The following UNC13B variants were observed in gnomAD, a reference collection of about 807,000 sequenced individuals.
UNC13B encodes the protein protein unc-13 homolog B.
In UNC13B, 144 loss-of-function variants were observed where a neutral mutation model predicts 211.0. The observed-to-expected ratio is 0.68, with a 90% CI of 0.60 to 0.78. The LOEUF is 0.78. Among genes scored for constraint, UNC13B ranks in the 30% least tolerant of loss-of-function variants. The pLI is 0.00. For synonymous variants in UNC13B, 709 were observed against 725.8 expected, an observed-to-expected ratio of 0.98 and a Z score of 0.37; for missense variants, 1,777 against 2,002.0, an observed-to-expected ratio of 0.89 and a Z score of 2.14.
chr9:35,239,102 G>A lies in UNC13B; in HGVS notation c.394+1276G>A, dbSNP rs75744691. Among the ~76,000 whole-genome samples, 4 of 152,044 alleles carry A rather than the reference G, an allele frequency of 2.6e-5. No homozygotes were observed. In the East Asian group the frequency reaches 7.7e-4, roughly 29 times the overall value. ...ATTTATACTCTTATAAATTATATCT[G>A]GGGAGTGCCTGTTTCTGCACATCCT... is the stretch of plus-strand genomic sequence containing the variant. On this transcript the variant is annotated intron_variant, in intron 5 of 39. Coordinates refer to ENST00000635942, the MANE Select transcript of UNC13B (RefSeq NM_001371189.2).
chr9:35,178,666 G>A (rs550547773), intron 1 of UNC13B, among the ~76,000 whole-genome samples: 2 of 151,788 alleles, frequency 1.3e-5, no homozygotes, highest in African/African-American at 4.8e-5. Flanking sequence ...CGAGGCGGGT[G>A]GATCACTTGA....
intron 30 of UNC13B, 148 bp from the exon 31 acceptor site, chr9:35,398,063 C>A: frequency 1.6e-6 from 1 of 628,730 alleles, no homozygotes. Flanking sequence ...GGAGAATTAT[C>A]TGAACTGGCC....
chr9:35,312,053 A>G (rs1336211980), intron 10 of UNC13B, among the ~76,000 whole-genome samples: 1 of 152,192 alleles, frequency 6.6e-6, no homozygotes, highest in Non-Finnish European at 1.5e-5. Flanking sequence ...ACTAGATGCC[A>G]GTAGCAATCC....
intron 26 of UNC13B, among the ~76,000 whole-genome samples, chr9:35,394,568 C>A (rs1304904842): frequency 6.6e-6 from 1 of 152,160 alleles, no homozygotes; most frequent in Non-Finnish European, 1.5e-5. Flanking sequence ...TGCACTCCAC[C>A]CTGGGTGACA....
intron 11 of UNC13B, chr9:35,352,432 A>C: frequency 8.1e-7 from 1 of 1,232,152 alleles, no homozygotes; most frequent in Non-Finnish European, 1.0e-6. Context: ...TTGCCACCAG[A>C]GAAGAACCAA....
In UNC13B at chr9:35,382,493, G is replaced by A; in HGVS notation, c.10792G>A (p.Ala3598Thr). Residue 3598 changes from alanine to threonine, a missense_variant, in exon 21 of 40, where the codon GCC becomes ACC. By Grantham distance (58) the Ala-to-Thr change is moderately conservative. Transcript: ENST00000635942. ...TGTCTCTGCATCTGATCGCTTTGCA[G>A]CCTCCAACTTTGGGGTAAGTATCAT... ...TNVSASDRFA[A>T]SNFGKERFVK... The A allele has an allele frequency of 4.3e-6, 7 of 1,613,060 alleles. No homozygotes were observed. The highest frequency in any genetic ancestry group is 5.9e-6 in the Non-Finnish European group (7 of 1,179,814).
At chr9:35,262,956 A>T (rs969176999) in intron 7 of UNC13B, among the ~76,000 whole-genome samples, 3 of 152,208 alleles carry the variant, frequency 2.0e-5, no homozygotes, top group Non-Finnish European at 4.4e-5. Flanking sequence ...CCAAACCAAT[A>T]CAAAAACAAA....
chr9:35,266,516 C>T (rs1827586034), intron 7 of UNC13B, among the ~76,000 whole-genome samples: 1 of 152,158 alleles, frequency 6.6e-6, no homozygotes, highest in South Asian at 2.1e-4. Flanking sequence ...GCCTGGGCAA[C>T]ATAGCGAGAC....
intron 7 of UNC13B, among the ~76,000 whole-genome samples, chr9:35,284,431 C>G (rs1828678178): frequency 6.6e-6 from 1 of 152,114 alleles, no homozygotes; most frequent in African/African-American, 2.4e-5. Context: ...TTTTCTTTGA[C>G]TTATTAATAT....
chr9:35,378,472 T>G (rs769983454), intron 17 of UNC13B, 36 bp downstream of exon 17: 2 of 1,613,482 alleles, frequency 1.2e-6, no homozygotes, highest in Non-Finnish European at 1.7e-6. Flanking sequence ...CCTGGGACTG[T>G]GTGTATTGGG....
chr9:35,288,627 C>T (rs1444473892), intron 7 of UNC13B, among the ~76,000 whole-genome samples: 2 of 152,148 alleles, frequency 1.3e-5, no homozygotes, highest in African/African-American at 2.4e-5. Flanking sequence ...TATCTTATGA[C>T]GGTTCTGAGC....
intron 7 of UNC13B, among the ~76,000 whole-genome samples, chr9:35,266,725 AT>A (rs1827599259): frequency 6.6e-6 from 1 of 152,178 alleles, no homozygotes; most frequent in Non-Finnish European, 1.5e-5. Flanking sequence ...ATTCACTTTT[AT>A]CCTGTGAAGT....
In UNC13B at chr9:35,398,635, G is replaced by A; in HGVS notation, c.11914G>A (p.Gly3972Arg). ...TVLDELSMVF[G>R]NSFQVRIDEC... ...TCTGGATGAGCTCAGCATGGTGTTT[G>A]GAAACAGGTCAGTGACCCCACAATA... Residue 3972 changes from glycine (G) to arginine (R), a missense_variant, in exon 32 of 40, where the codon GGA becomes AGA. Transcript: ENST00000635942. 1 of 1,613,950 alleles carries A rather than the reference G, an allele frequency of 6.2e-7. No homozygotes were observed. The highest frequency in any genetic ancestry group is 8.5e-7 in the Non-Finnish European group (1 of 1,180,004).
intron 1 of UNC13B, among the ~76,000 whole-genome samples, chr9:35,220,601 A>G (rs906644578): frequency 1.3e-5 from 2 of 152,150 alleles, no homozygotes; most frequent in Admixed American, 6.6e-5. Context: ...TGTTGTTGCA[A>G]GTGACAGGAT....
At chr9:35,177,531 T>C (rs913489377) in intron 1 of UNC13B, among the ~76,000 whole-genome samples, 20 of 152,356 alleles carry the variant, frequency 1.3e-4, no homozygotes, top group Non-Finnish European at 2.8e-4. Context: ...ATAAAGTTGA[T>C]GAGAATTACA....
At chr9:35,184,849 AAAAGAAAG>A (rs59152942) in intron 1 of UNC13B, among the ~76,000 whole-genome samples, 15 of 144,168 alleles carry the variant, frequency 1.0e-4, no homozygotes, top group South Asian at 6.5e-4. Context: ...AGAAAGAAAG[AAAAGAAAG>A]AAAGAAAGGG....
At chr9:35,299,728 T>C (rs1234218955) in intron 8 of UNC13B, among the ~76,000 whole-genome samples, 17 of 152,210 alleles carry the variant, frequency 1.1e-4, no homozygotes, top group Admixed American at 1.1e-3. Flanking sequence ...GAATGCTTTT[T>C]ATCACATTGG....
intron 11 of UNC13B, among the ~76,000 whole-genome samples, chr9:35,340,626 T>C (rs1484556345): frequency 6.6e-6 from 1 of 152,130 alleles, no homozygotes; most frequent in East Asian, 1.9e-4. Context: ...GAGAGCCTGG[T>C]TTGGGCATGC....
intron 14 of UNC13B, 78 bp downstream of exon 14, chr9:35,375,279 T>C: frequency 1.4e-6 from 2 of 1,426,412 alleles, no homozygotes; most frequent in Non-Finnish European, 2.0e-6. Context: ...TATTAATAAT[T>C]GGGAATTCTG....
Sources: gnomAD v4.1 joint callset for allele counts (sites outside exome capture counted in the v4.1 genomes callset) on GRCh38, gnomAD v4.1.1 for gene constraint, MANE v1.5 for transcripts, NCBI Gene and HGNC (gene_info 2026-07-23, HGNC 2026-07-21) for gene names.